OTUD7A: variants seen among roughly 807,000 people sequenced by gnomAD.
OTUD7A encodes the protein OTU domain-containing protein 7A.
OTUD7A carries 12 observed loss-of-function variants against 65.7 expected under a neutral mutation model. The observed-to-expected ratio is 0.18, with a 90% CI of 0.12 to 0.30. The LOEUF is 0.30. Ranked by LOEUF, OTUD7A falls within the 10% of genes least tolerant of loss-of-function variation. OTUD7A has a pLI of 1.00. For missense variants in OTUD7A, 1,148 were observed against 1,304.8 expected (o/e 0.88, Z 1.85); for synonymous variants, 641 against 586.3 (o/e 1.09, Z -1.35).
At chr15:31,708,268 A>G (rs1440628433) in intron 1 of OTUD7A, among the ~76,000 whole-genome samples, 1 of 152,244 alleles carries the variant, frequency 6.6e-6, no homozygotes, top group Non-Finnish European at 1.5e-5. Flanking sequence ...CACTTCATAC[A>G]TTAATGGTGA....
intron 3 of OTUD7A, among the ~76,000 whole-genome samples, chr15:31,590,500 C>T (rs1020274175): frequency 6.6e-6 from 1 of 152,018 alleles, no homozygotes; most frequent in Admixed American, 6.5e-5. Context: ...CATCATTCAT[C>T]ACGTGATGGA....
chr15:31,578,356 A>G (rs1052594388), intron 3 of OTUD7A, among the ~76,000 whole-genome samples: 2 of 152,230 alleles, frequency 1.3e-5, no homozygotes, highest in African/African-American at 4.8e-5. Context: ...TTTAAAATCT[A>G]TTCTCTCTGA....
At chr15:31,762,415 C>G (rs1272739146) in intron 1 of OTUD7A, among the ~76,000 whole-genome samples, 1 of 152,176 alleles carries the variant, frequency 6.6e-6, no homozygotes, top group Non-Finnish European at 1.5e-5. Context: ...AAAGCCCTGG[C>G]TATCTGATCA....
At chr15:31,756,723 G>C (rs1382157558) in intron 1 of OTUD7A, among the ~76,000 whole-genome samples, 3 of 150,922 alleles carry the variant, frequency 2.0e-5, no homozygotes, top group Non-Finnish European at 4.4e-5. Flanking sequence ...AGTTAAATAA[G>C]AATATGGGGA....
chr15:31,762,597 C>T (rs2140905159), intron 1 of OTUD7A, among the ~76,000 whole-genome samples: 1 of 152,346 alleles, frequency 6.6e-6, no homozygotes, highest in South Asian at 2.1e-4. Flanking sequence ...ATAGGACTAG[C>T]TATCATCCAG....
At chr15:31,825,949 G>A (rs1325335292) in intron 1 of OTUD7A, among the ~76,000 whole-genome samples, 1 of 152,240 alleles carries the variant, frequency 6.6e-6, no homozygotes, top group Non-Finnish European at 1.5e-5. Flanking sequence ...CTAGAGGGGG[G>A]TTCCCATGGT....
intron 5 of OTUD7A, among the ~76,000 whole-genome samples, chr15:31,545,502 G>C (rs1595598896): frequency 6.6e-6 from 1 of 151,996 alleles, no homozygotes; most frequent in Non-Finnish European, 1.5e-5. Flanking sequence ...GAAGATATTG[G>C]CAATACACAC....
In OTUD7A at chr15:31,483,718, G is replaced by C; in HGVS notation, c.2378C>G (p.Pro793Arg). 8.8e-7 allele frequency: 1 copy of C among 1,137,322 alleles called. No homozygotes were observed. Among genetic ancestry groups the C allele is most frequent in the Non-Finnish European group, 1.1e-6 (1 of 929,596 alleles). 70.5% of individuals were successfully genotyped at this position (1,137,322 alleles called of 1,614,324 possible). The stretch of plus-strand genomic sequence containing the variant: ...GCACGGCCGCAGCGCCCCCACGGCC[G>C]GCGCGCACGCCTCGTCCCGCGCGCC... Reference protein sequence around the residue: ...ASGARDEACAPAVGALRPCAT... With the variant: ...ASGARDEACARAVGALRPCAT... The change falls in exon 13 of 13, where the codon CCG becomes CGG. Residue 793 changes from proline (P) to arginine (R), a missense_variant. By Grantham distance (103) the Pro-to-Arg change is moderately radical (BLOSUM62 -2). Coordinates refer to ENST00000307050, the MANE Select transcript of OTUD7A (RefSeq NM_001382637.1).
intron 3 of OTUD7A, among the ~76,000 whole-genome samples, chr15:31,624,796 C>T (rs1279557455): frequency 6.6e-6 from 1 of 152,144 alleles, no homozygotes; most frequent in Non-Finnish European, 1.5e-5. Flanking sequence ...CTTCAGCAAA[C>T]TGCACAGAAA....
chr15:31,860,671 A>ATGTGTG (rs375154579), intron 1 of OTUD7A, among the ~76,000 whole-genome samples: 2 of 38,528 alleles, frequency 5.2e-5, no homozygotes, highest in African/African-American at 1.3e-4. Flanking sequence ...ATATAGATGT[A>ATGTGTG]TGTGTGTATA....
chr15:31,485,248 C>T (rs1250154974), intron 12 of OTUD7A, among the ~76,000 whole-genome samples: 2 of 152,204 alleles, frequency 1.3e-5, no homozygotes, highest in African/African-American at 2.4e-5. Context: ...AAAGTGCCTC[C>T]TCTGAAAAGA....
chr15:31,679,355 A>C (rs1892661984), intron 1 of OTUD7A, among the ~76,000 whole-genome samples: 1 of 152,056 alleles, frequency 6.6e-6, no homozygotes, highest in Admixed American at 6.6e-5. Flanking sequence ...TGTGTCTTGA[A>C]ATGTGAGAAC....
intron 1 of OTUD7A, chr15:31,768,241 T>C (rs1281618309): frequency 1.1e-6 from 1 of 878,284 alleles, no homozygotes; most frequent in Non-Finnish European, 1.9e-6. Flanking sequence ...GCAGTGTAGG[T>C]GACACTCAAG....
At chr15:31,509,875 T>G (rs2041653647) in intron 8 of OTUD7A, among the ~76,000 whole-genome samples, 1 of 151,892 alleles carries the variant, frequency 6.6e-6, no homozygotes, top group East Asian at 1.9e-4. Flanking sequence ...CGTGTCTTTC[T>G]TTGATTTTTG....
intron 1 of OTUD7A, among the ~76,000 whole-genome samples, chr15:31,722,644 C>T (rs1893772786): frequency 6.6e-6 from 1 of 152,214 alleles, no homozygotes; most frequent in African/African-American, 2.4e-5. Context: ...CACTGCGGCC[C>T]AGGGAGTGAC....
At chr15:31,860,804 C>G (rs190287113) in intron 1 of OTUD7A, among the ~76,000 whole-genome samples, 2,418 of 147,656 alleles carry the variant, frequency 0.016, 30 homozygotes, top group Middle Eastern at 0.035. Context: ...CTCCTGGGTT[C>G]ACGCCATTCT....
At chr15:31,806,691 A>C (rs1325876192) in intron 1 of OTUD7A, among the ~76,000 whole-genome samples, 4 of 152,238 alleles carry the variant, frequency 2.6e-5, no homozygotes, top group African/African-American at 9.6e-5. Flanking sequence ...TCCCAGGATT[A>C]TGTATAGAAA....
chr15:31,713,362 T>C (rs1162031148), intron 1 of OTUD7A, among the ~76,000 whole-genome samples: 1 of 152,156 alleles, frequency 6.6e-6, no homozygotes, highest in Non-Finnish European at 1.5e-5. Flanking sequence ...CTCACACCTG[T>C]GATCCCAGCA....
Position 31,844,698 on chromosome 15 carries a change from A to G in OTUD7A, c.-100+25809T>C, listed in dbSNP as rs1897258682. Among the ~76,000 whole-genome samples the G allele has an allele frequency of 2.0e-5, 3 of 152,204 alleles. No individual in the cohort carries two copies. In the South Asian group the frequency reaches 6.2e-4, roughly 31 times the overall value. On this transcript the variant is annotated intron_variant, in intron 1 of 12. Coordinates refer to ENST00000307050, the MANE Select transcript of OTUD7A (RefSeq NM_001382637.1). ...TCCCTCAAAAGGTGGAGGTTCCTCT[A>G]CACAGTTCACCTTACTAAGCAGAAA...
Sources: gnomAD v4.1 joint callset for allele counts (sites outside exome capture counted in the v4.1 genomes callset) on GRCh38, gnomAD v4.1.1 for gene constraint, MANE v1.5 for transcripts, NCBI Gene and HGNC (gene_info 2026-07-23, HGNC 2026-07-21) for gene names.